HYAL4: variants seen among roughly 807,000 people sequenced by gnomAD.
HYAL4 encodes hyaluronidase 4.
Under a neutral mutation model 35.2 loss-of-function variants are expected in HYAL4, and 37 were observed. The ratio of observed to expected loss-of-function variants is 1.05; its 90% CI spans 0.81 to 1.38. The LOEUF is 1.38. Among genes scored for constraint, HYAL4 ranks in the 40% most tolerant of loss-of-function variants. HYAL4 has a pLI of 0.00. For missense variants in HYAL4, 572 were observed against 572.4 expected, an observed-to-expected ratio of 1.00 and a Z score of 0.01; for synonymous variants, 198 against 203.2, an observed-to-expected ratio of 0.97 and a Z score of 0.22.
intron 2 of HYAL4, among the ~76,000 whole-genome samples, chr7:123,848,775 A>G (rs1806230371): frequency 6.6e-6 from 1 of 152,224 alleles, no homozygotes; most frequent in Non-Finnish European, 1.5e-5. Context: ...ATGATGGTCA[A>G]TACAAGAGGA....
chr7:123,859,032 A>G (rs974361558), intron 2 of HYAL4, among the ~76,000 whole-genome samples: 5 of 152,188 alleles, frequency 3.3e-5, no homozygotes, highest in Non-Finnish European at 5.9e-5. Context: ...ATTGAAGAAT[A>G]AAAAATAAGG....
At chr7:123,845,882 G>A (rs779469583) in intron 1 of HYAL4, among the ~76,000 whole-genome samples, 197 bp downstream of exon 1, 1 of 152,176 alleles carries the variant, frequency 6.6e-6, no homozygotes, top group Non-Finnish European at 1.5e-5. Context: ...CTATGGATGT[G>A]GTTTCCAGAG....
chr7:123,822,299 G>A, the HYAL4 span, among the ~76,000 whole-genome samples: 1 of 151,994 alleles, frequency 6.6e-6, no homozygotes, highest in African/African-American at 2.4e-5. Flanking sequence ...TTTTATTTAT[G>A]TCTCTTTTAA....
chr7:123,810,356 TATA>T, the HYAL4 span, among the ~76,000 whole-genome samples: 2 of 152,186 alleles, frequency 1.3e-5, no homozygotes, highest in East Asian at 3.8e-4. Flanking sequence ...TACTTCATAC[TATA>T]ATATTTGGTG....
the HYAL4 span, among the ~76,000 whole-genome samples, chr7:123,790,206 T>A: frequency 4.6e-5 from 7 of 152,298 alleles, no homozygotes; most frequent in East Asian, 1.3e-3. Context: ...ATGGCAGTAA[T>A]GAAAACAGGG....
chr7:123,795,087 C>T, the HYAL4 span, among the ~76,000 whole-genome samples: 4 of 152,234 alleles, frequency 2.6e-5, no homozygotes, highest in Admixed American at 1.3e-4. Flanking sequence ...AATTTTTTAA[C>T]TTTAAGGTTT....
chr7:123,841,469 T>C (rs1806057673), upstream of HYAL4, among the ~76,000 whole-genome samples: 1 of 152,070 alleles, frequency 6.6e-6, no homozygotes, highest in South Asian at 2.1e-4. Context: ...TGTGTGTATC[T>C]CTGCCAGTCT....
chr7:123,778,941 C>G, the HYAL4 span, among the ~76,000 whole-genome samples: 5 of 152,082 alleles, frequency 3.3e-5, no homozygotes, highest in Non-Finnish European at 7.4e-5. Context: ...ATATGAGAAT[C>G]CAAATGAATT....
the HYAL4 span, among the ~76,000 whole-genome samples, chr7:123,813,485 G>C: frequency 6.7e-6 from 1 of 150,110 alleles, no homozygotes; most frequent in Admixed American, 6.6e-5. Context: ...AGGATTTTAG[G>C]CTTGTTTATA....
At chr7:123,785,214 T>C in the HYAL4 span, among the ~76,000 whole-genome samples, 5 of 152,100 alleles carry the variant, frequency 3.3e-5, no homozygotes, top group African/African-American at 1.2e-4. The surrounding 1 kb of genome is among the most constrained non-coding windows in gnomAD (Gnocchi z 4.5). Flanking sequence ...GCCTCCCAAG[T>C]AGCTGGGACT....
At chr7:123,876,024 AG>A (rs1563006763) in intron 4 of HYAL4, 1 of 456,680 alleles carries the variant, frequency 2.2e-6, no homozygotes, top group Admixed American at 2.3e-5. Flanking sequence ...CTGACTTTCC[AG>A]GTGTGATATT....
the HYAL4 span, among the ~76,000 whole-genome samples, chr7:123,819,914 G>A: frequency 2.1e-5 from 3 of 140,864 alleles, no homozygotes; most frequent in African/African-American, 7.9e-5. Flanking sequence ...TTTTTTGTGA[G>A]GCAGTCTCAC....
intron 2 of HYAL4, among the ~76,000 whole-genome samples, chr7:123,861,863 A>C (rs1266715002): frequency 6.6e-6 from 1 of 152,192 alleles, no homozygotes; most frequent in Non-Finnish European, 1.5e-5. Flanking sequence ...TCTAATGATG[A>C]ATTATGGGCC....
chr7:123,875,707 C>G (rs984159508), intron 4 of HYAL4, among the ~76,000 whole-genome samples: 4 of 150,436 alleles, frequency 2.7e-5, no homozygotes, highest in African/African-American at 9.8e-5. Flanking sequence ...CTTCAAATTT[C>G]TCTCAGCTGA....
At chr7:123,776,237 C>T in the HYAL4 span, among the ~76,000 whole-genome samples, 1 of 152,106 alleles carries the variant, frequency 6.6e-6, no homozygotes, top group Non-Finnish European at 1.5e-5. Context: ...GCGTGATTTC[C>T]ATGGATTGAT....
At chr7:123,776,413 G>T in the HYAL4 span, among the ~76,000 whole-genome samples, 2 of 152,048 alleles carry the variant, frequency 1.3e-5, no homozygotes, top group Admixed American at 1.3e-4. Flanking sequence ...CTGCAGGTGT[G>T]TGGGTTTTTT....
chr7:123,870,294 A>G (rs533595220), intron 3 of HYAL4, among the ~76,000 whole-genome samples: 1 of 152,284 alleles, frequency 6.6e-6, no homozygotes, highest in Admixed American at 6.5e-5. Flanking sequence ...TCAGAGGGAG[A>G]AATGATGCAT....
the HYAL4 span, among the ~76,000 whole-genome samples, chr7:123,809,476 A>G: frequency 6.9e-6 from 1 of 145,022 alleles, no homozygotes; most frequent in Non-Finnish European, 1.5e-5. Flanking sequence ...GCTCACTGCA[A>G]CCTCCACCTC....
At chr7:123,832,517 T>G (rs1805901447) in intron 1 of HYAL4, among the ~76,000 whole-genome samples, 1 of 105,428 alleles carries the variant, frequency 9.5e-6, no homozygotes, top group South Asian at 3.1e-4. Context: ...TTTTTTTTTT[T>G]GAGACAGAGT....
Sources: gnomAD v4.1 joint callset for allele counts (sites outside exome capture counted in the v4.1 genomes callset) on GRCh38, gnomAD v4.1.1 for gene constraint, Gnocchi (gnomAD v3.1) non-coding constraint, MANE v1.5 for transcripts, NCBI Gene and HGNC (gene_info 2026-07-23, HGNC 2026-07-21) for gene names.